Variants in ADAR observed in about 807,000 individuals in gnomAD.
The protein encoded by ADAR is adenosine deaminase RNA specific.
Under a neutral mutation model 113.2 loss-of-function variants are expected in ADAR, and 41 were observed. The observed-to-expected ratio is 0.36, with a 90% confidence interval of 0.28 to 0.47. ADAR has a LOEUF of 0.47. ADAR is among the 20% of genes least tolerant of loss of function. ADAR has a pLI of 1.00. For synonymous variants in ADAR, 605 were observed against 572.6 expected (o/e 1.06, Z -0.81); for missense variants, 1,242 against 1,540.9 (o/e 0.81, Z 3.25).
chr1:154,587,671 G>A (rs1291586928), intron 11 of ADAR, among the ~76,000 whole-genome samples: 2 of 152,224 alleles, frequency 1.3e-5, no homozygotes, highest in Non-Finnish European at 2.9e-5. Flanking sequence ...GAAGGAGCCA[G>A]TGGACAAGGC....
At chr1:154,587,676 C>T (rs1054730244) in intron 11 of ADAR, among the ~76,000 whole-genome samples, 1 of 152,184 alleles carries the variant, frequency 6.6e-6, no homozygotes, top group Non-Finnish European at 1.5e-5. Flanking sequence ...AGCCAGTGGA[C>T]AAGGCAGAGT....
intron 11 of ADAR, among the ~76,000 whole-genome samples, chr1:154,587,885 A>G (rs1696869671): frequency 6.6e-6 from 1 of 152,218 alleles, no homozygotes; most frequent in Non-Finnish European, 1.5e-5. Context: ...TCTGAGCTCC[A>G]CATGGGAACC....
At chr1:154,585,648 C>G (rs1696709346) in intron 13 of ADAR, 105 bp downstream of exon 13, 1 of 1,062,062 alleles carries the variant, frequency 9.4e-7, no homozygotes, top group Admixed American at 2.0e-5. Context: ...TGGGCTACCA[C>G]TGTGGGCAAT....
intron 7 of ADAR, 106 bp downstream of exon 7, chr1:154,590,078 A>C (rs1278282765): frequency 6.7e-7 from 1 of 1,492,686 alleles, no homozygotes; most frequent in African/African-American, 1.4e-5. Context: ...CTCGAGGCTA[A>C]GAGTAAAGCC....
chr1:154,602,288 C>A lies in ADAR; in HGVS notation c.354G>T (p.Leu118=), dbSNP rs1697935362. The A allele has an allele frequency of 1.2e-6, 2 of 1,613,958 alleles. No homozygotes were observed. The highest frequency in any genetic ancestry group is 1.7e-6 in the Non-Finnish European group (2 of 1,179,978). ...AAAGGCAATCAACACCTCTCTGTGG[C>A]AGACTCCTGCCACGTGGTGAAGGAT... ...FQHPSPRGRS[L]PQRGVDCLSS... The change falls in exon 2 of 15, where the codon CTG becomes CTT. Residue 118 remains leucine, a synonymous_variant. Coordinates refer to ENST00000368474, the MANE Select transcript of ADAR (RefSeq NM_001111.5).
intron 6 of ADAR, 60 bp downstream of exon 6, chr1:154,596,745 C>G: frequency 6.3e-7 from 1 of 1,597,444 alleles, no homozygotes; most frequent in Non-Finnish European, 8.6e-7. Context: ...CTTGTTTTCC[C>G]TGGGTTACAG....
At chr1:154,586,455 G>T in intron 11 of ADAR, 92 bp from the exon 12 acceptor site, 1 of 1,265,550 alleles carries the variant, frequency 7.9e-7, no homozygotes, top group East Asian at 2.5e-5. Flanking sequence ...TGGGCCACAG[G>T]CTACATTCAT....
chr1:154,596,809 G>A lies in ADAR; in HGVS notation c.2266C>T (p.Pro756Ser). ...AGCCAGGACTAGGACACTCACTTGG[G>A]CTCGTGAGGAGGTCCGGACTGGTCG... ...LVDQSGPPHE[P>S]KFVYQAKVGG... Residue 756 changes from proline to serine, a missense_variant, in exon 6 of 15, where the codon CCC becomes TCC. Pro to Ser is a moderately conservative substitution (Grantham distance 74). Coordinates refer to ENST00000368474, the MANE Select transcript of ADAR (RefSeq NM_001111.5). 6.2e-7 allele frequency: 1 copy of A among 1,612,916 alleles called. No individual in the cohort carries two copies. The highest frequency in any genetic ancestry group is 8.5e-7 in the Non-Finnish European group (1 of 1,180,000).
At chr1:154,626,985 C>A (rs886918328) in intron 1 of ADAR, among the ~76,000 whole-genome samples, 18 of 152,318 alleles carry the variant, frequency 1.2e-4, no homozygotes, top group South Asian at 4.1e-4. Flanking sequence ...CAATGACCCG[C>A]TCTAGCAATC....
chr1:154,618,897 G>A (rs1698708228), intron 1 of ADAR, among the ~76,000 whole-genome samples: 1 of 152,184 alleles, frequency 6.6e-6, no homozygotes, highest in South Asian at 2.1e-4. Context: ...ATCACCTGAG[G>A]TCACGAGTTT....
chr1:154,602,277 C>T lies in ADAR; in HGVS notation c.365G>A (p.Gly122Asp). The T allele has an allele frequency of 1.2e-6, 2 of 1,614,210 alleles. No individual in the cohort carries two copies. The highest frequency in any genetic ancestry group is 1.6e-4 in the Middle Eastern group (1 of 6,062). ...GAAATGTGAGGAAAGGCAATCAACA[C>T]CTCTCTGTGGCAGACTCCTGCCACG... Reference protein sequence around the residue: ...SPRGRSLPQRGVDCLSSHFQE... With the variant: ...SPRGRSLPQRDVDCLSSHFQE... Residue 122 changes from glycine to aspartate, a missense_variant, in exon 2 of 15, where the codon GGT (glycine) becomes GAT (aspartate). This residue lies in a region of ADAR where 462 missense variants were observed against 483.1 expected (regional missense o/e 0.96). Transcript: ENST00000368474.
At position 154,608,143 on chromosome 1, in the gene ADAR, A is replaced by C; in HGVS notation, c.-137T>G. 8.7e-7 allele frequency: 1 copy of C among 1,150,310 alleles called. No individual in the cohort carries two copies. The highest frequency in any genetic ancestry group is 1.2e-6 in the Non-Finnish European group (1 of 855,114). The allele number at this position is 1,150,310 out of a possible 1,614,324, so 71.3% of individuals were successfully genotyped here. A position where few individuals can be genotyped will look rare whatever the true frequency, so the allele number is the denominator to read the frequency against. On this transcript the variant is annotated 5_prime_UTR_variant, in exon 1 of 15. Coordinates refer to ENST00000368474, the MANE Select transcript of ADAR (RefSeq NM_001111.5). ...AGTGGCCCCGGGGCGTCGGCACGGG[A>C]AACTCCGCGGGTCTGCGCGCCGGGC...
At position 154,582,869 on chromosome 1, in the gene ADAR, G is replaced by A. The variant is rs538988470; in HGVS notation, c.*1937C>T. 2.0e-5 allele frequency: 3 copies of A among 152,428 alleles called. No homozygotes were observed. The East Asian group carries it at 5.8e-4, about 29-fold the overall frequency. 9.4% of individuals were successfully genotyped at this position (152,428 alleles called of 1,614,324 possible). A position where few individuals can be genotyped will look rare whatever the true frequency, so the allele number is the denominator to read the frequency against. Reference sequence around the variant, plus strand: ...CCCCCAGCAGACCCAGAGCCAGGGAGCAGGCCTCTTCCACTCCAGGAGACA... The same window carrying A: ...CCCCCAGCAGACCCAGAGCCAGGGAACAGGCCTCTTCCACTCCAGGAGACA... On this transcript the variant is annotated 3_prime_UTR_variant, in exon 15 of 15. Transcript: ENST00000368474.
chr1:154,589,161 G>T (rs1349784305), intron 9 of ADAR, among the ~76,000 whole-genome samples: 2 of 152,194 alleles, frequency 1.3e-5, no homozygotes, highest in African/African-American at 4.8e-5. Context: ...TTAAAAACAG[G>T]CCGAGCAGTG....
intron 6 of ADAR, among the ~76,000 whole-genome samples, chr1:154,595,654 A>AAAAAATAAAGT (rs567119914): frequency 2.0e-5 from 3 of 152,136 alleles, no homozygotes; most frequent in African/African-American, 7.2e-5. Context: ...TTAATAAAGT[A>AAAAAATAAAGT]AAAAATAAAG....
intron 2 of ADAR, 108 bp from the exon 3 acceptor site, chr1:154,598,693 A>C (rs1571096977): frequency 2.1e-6 from 2 of 974,964 alleles, no homozygotes; most frequent in Admixed American, 4.8e-5. Flanking sequence ...GGGGCTTTTC[A>C]CTTGTGGAGA....
chr1:154,626,738 A>G, intron 1 of ADAR, among the ~76,000 whole-genome samples: 1 of 152,206 alleles, frequency 6.6e-6, no homozygotes, highest in East Asian at 1.9e-4. Context: ...AGGAGTGGAG[A>G]GGTTAAATAA....
In ADAR at chr1:154,601,638, A is replaced by G. The variant is rs2101640705; in HGVS notation, c.1004T>C (p.Ile335Thr). 1 of 1,613,888 alleles carries G rather than the reference A, an allele frequency of 6.2e-7. No individual in the cohort carries two copies. Reference protein sequence around the residue: ...TKARDINAVLIDMERQGDVYR... With the variant: ...TKARDINAVLTDMERQGDVYR... ...GACATCCCCCTGCCTTTCCATGTCA[A>G]TTAGCACAGCATTTATATCTCGGGC... Residue 335 changes from isoleucine (I) to threonine (T), a missense_variant, in exon 2 of 15, where the codon ATT becomes ACT. Around this residue, in one of 2 missense-constraint regions of ADAR, gnomAD observed 462 missense variants for 483.1 expected, o/e 0.96. Coordinates refer to ENST00000368474, the MANE Select transcript of ADAR (RefSeq NM_001111.5). This position sits in a 1 kb window ranked among gnomAD's most constrained non-coding sequence, Gnocchi z 4.7.
chr1:154,618,886 G>C (rs1392254052), intron 1 of ADAR, among the ~76,000 whole-genome samples: 1 of 152,214 alleles, frequency 6.6e-6, no homozygotes, highest in Admixed American at 6.5e-5. Context: ...GAGGCAGGTG[G>C]ATCACCTGAG....
Sources: allele counts gnomAD v4.1 joint callset (sites outside exome capture counted in the v4.1 genomes callset), GRCh38; gene constraint gnomAD v4.1.1; regional missense constraint gnomAD v4.1.1; non-coding constraint Gnocchi (gnomAD v3.1); transcripts MANE v1.5; gene names NCBI Gene and HGNC (gene_info 2026-07-23, HGNC 2026-07-21).